The following PACRG variants were observed in gnomAD, a reference collection of about 807,000 sequenced individuals.
The protein encoded by PACRG is parkin coregulated.
A neutral mutation model predicts 29.7 loss-of-function variants in PACRG; 29 were observed. The ratio of observed to expected loss-of-function variants is 0.98; its 90% CI spans 0.73 to 1.33. The LOEUF (loss-of-function observed/expected upper bound fraction) is 1.33. Among genes scored for constraint, PACRG ranks in the 40% most tolerant of loss-of-function variants. PACRG has a pLI of 0.00. For synonymous variants in PACRG, 116 were observed against 118.7 expected, an observed-to-expected ratio of 0.98 and a Z score of 0.15; for missense variants, 279 against 316.2, an observed-to-expected ratio of 0.88 and a Z score of 0.89.
intron 2 of PACRG, among the ~76,000 whole-genome samples, chr6:162,958,884 T>TATATAGAG (rs1562779944): frequency 3.3e-4 from 7 of 21,162 alleles, no homozygotes; most frequent in Non-Finnish European, 4.7e-4. Context: ...TATATATATA[T>TATATAGAG]AGAGAGAGAG....
chr6:163,309,751 G>A (rs1785337136), intron 4 of PACRG, among the ~76,000 whole-genome samples: 1 of 152,160 alleles, frequency 6.6e-6, no homozygotes, highest in African/African-American at 2.4e-5. Flanking sequence ...TGTTGGGGCC[G>A]GGACTCTCCT....
intron 1 of PACRG, among the ~76,000 whole-genome samples, chr6:162,752,193 A>G (rs1295521907): frequency 6.6e-6 from 1 of 152,198 alleles, no homozygotes; most frequent in Non-Finnish European, 1.5e-5. Context: ...TCTATTTTAC[A>G]CACATACACA....
intron 1 of PACRG, among the ~76,000 whole-genome samples, chr6:162,764,691 A>G (rs924245599): frequency 3.3e-5 from 5 of 151,988 alleles, no homozygotes; most frequent in Admixed American, 6.6e-5. Flanking sequence ...TTATATTTAA[A>G]TATATGTTTA....
At chr6:163,079,418 AAAAG>A (rs201087139) in intron 3 of PACRG, among the ~76,000 whole-genome samples, 1,904 of 151,752 alleles carry the variant, frequency 0.013, 49 homozygotes, top group African/African-American at 0.044. Flanking sequence ...AAAAAAAAAA[AAAAG>A]AAAGAAAGAA....
chr6:163,003,373 T>C (rs1351488952), intron 2 of PACRG, among the ~76,000 whole-genome samples: 1 of 152,186 alleles, frequency 6.6e-6, no homozygotes, highest in East Asian at 1.9e-4. Context: ...CCTGTAAGCA[T>C]TTGAATGTTA....
chr6:163,101,315 A>G (rs1241821569), intron 4 of PACRG: 4 of 982,872 alleles, frequency 4.1e-6, no homozygotes, highest in Non-Finnish European at 4.8e-6. Context: ...CCACTATTTT[A>G]AGCTTTGTGT....
Position 163,281,870 on chromosome 6 carries a change from T to C in PACRG, c.614-32957T>C, listed in dbSNP as rs569940845. ...CAAATTCAATTAACTTTAACCGATA[T>C]CTTGACAGCATTCTTTCCTTTCTTA... On this transcript the variant is annotated intron_variant, in intron 4 of 4. Coordinates refer to ENST00000366888, the MANE Select transcript of PACRG (RefSeq NM_001080379.2). 4.0e-4 allele frequency among the ~76,000 whole-genome samples: 61 copies of C among 152,266 alleles called. 2 individuals carry two copies. In the South Asian group the frequency reaches 0.012, roughly 30 times the overall value.
At chr6:162,849,751 G>A (rs537169603) in intron 2 of PACRG, among the ~76,000 whole-genome samples, 4 of 152,162 alleles carry the variant, frequency 2.6e-5, no homozygotes, top group South Asian at 4.1e-4. Flanking sequence ...GTAAGTTTTC[G>A]ATTTTTGAAA....
At chr6:162,963,976 A>G (rs1317404271) in intron 2 of PACRG, among the ~76,000 whole-genome samples, 3 of 152,210 alleles carry the variant, frequency 2.0e-5, no homozygotes, top group Non-Finnish European at 4.4e-5. Flanking sequence ...TTGTCAGCCC[A>G]TAAAGACTAG....
At chr6:163,306,050 T>C (rs1477423121) in intron 4 of PACRG, among the ~76,000 whole-genome samples, 1 of 152,228 alleles carries the variant, frequency 6.6e-6, no homozygotes, top group African/African-American at 2.4e-5. Context: ...CCAGTATCAC[T>C]TACTGCTTAC....
chr6:162,999,214 T>A (rs1300744695), intron 2 of PACRG, among the ~76,000 whole-genome samples: 1 of 152,260 alleles, frequency 6.6e-6, no homozygotes, highest in Non-Finnish European at 1.5e-5. Flanking sequence ...AAGAGATTGC[T>A]GGAAGCCCCA....
At chr6:163,086,304 T>A (rs1813552419) in intron 3 of PACRG, among the ~76,000 whole-genome samples, 1 of 152,216 alleles carries the variant, frequency 6.6e-6, no homozygotes, top group Non-Finnish European at 1.5e-5. Context: ...GCCTTCTTCC[T>A]CCTCACCTTC....
chr6:162,740,108 G>A lies in PACRG; in HGVS notation c.156+11717G>A, dbSNP rs1780462841. On this transcript the variant is annotated intron_variant, in intron 1 of 4. Coordinates refer to ENST00000366888, the MANE Select transcript of PACRG (RefSeq NM_001080379.2). ...AGTCTCTTTGTCTGTCTCTGAACCA[G>A]TATCACACTGCCTTTATTGTTGTAG... 2.0e-5 allele frequency among the ~76,000 whole-genome samples: 3 copies of A among 152,068 alleles called. No homozygotes were observed. The South Asian group carries it at 6.2e-4, about 32-fold the overall frequency.
Position 162,844,398 on chromosome 6 carries a change from G to A in PACRG, c.291+30117G>A, listed in dbSNP as rs149241788. 6.9e-3 allele frequency among the ~76,000 whole-genome samples: 1,049 copies of A among 152,328 alleles called. 11 individuals are homozygous for A. The highest frequency in any genetic ancestry group is 0.023 in the African/African-American group (964 of 41,570). ...GTCACCCCTCTCTGACTCCGAAGGGGAACTCCCTGACCCCTTGCGCTTCCC... is the reference window on the plus strand; with the variant it reads ...GTCACCCCTCTCTGACTCCGAAGGGAAACTCCCTGACCCCTTGCGCTTCCC... On this transcript the variant is annotated intron_variant, in intron 2 of 4. Transcript: ENST00000366888.
intron 2 of PACRG, among the ~76,000 whole-genome samples, chr6:163,021,200 T>C (rs1201593664): frequency 2.0e-5 from 3 of 152,194 alleles, no homozygotes; most frequent in African/African-American, 7.2e-5. Flanking sequence ...CAGTAGCCAC[T>C]GCAAAGCTCA....
At chr6:162,730,281 A>G (rs1779661091) in intron 1 of PACRG, among the ~76,000 whole-genome samples, 1 of 152,170 alleles carries the variant, frequency 6.6e-6, no homozygotes, top group Non-Finnish European at 1.5e-5. Flanking sequence ...ACATTTCACC[A>G]TTTTTATCTT....
Position 162,876,054 on chromosome 6 carries a change from C to T in PACRG, c.291+61773C>T, listed in dbSNP as rs572089513. Among the ~76,000 whole-genome samples, 4 of 152,316 alleles carry T rather than the reference C, an allele frequency of 2.6e-5. No homozygotes were observed. The South Asian group carries it at 8.3e-4, about 32-fold the overall frequency. On this transcript the variant is annotated intron_variant, in intron 2 of 4. Coordinates refer to ENST00000366888, the MANE Select transcript of PACRG (RefSeq NM_001080379.2). ...TCCCAGCTCTGTTCCTTCACCACCCCCTCCTCCATGCTAAAACCATGCATG... is the reference window on the plus strand; with the variant it reads ...TCCCAGCTCTGTTCCTTCACCACCCTCTCCTCCATGCTAAAACCATGCATG...
In PACRG at chr6:163,038,900, T is replaced by C. The variant is rs117000316; in HGVS notation, c.292-23250T>C. ...CTTTAGGTTTACAATTCCATAAAATTGTGTGTTTCAGGTGCCTGTTATACT... is the reference window on the plus strand; with the variant it reads ...CTTTAGGTTTACAATTCCATAAAATCGTGTGTTTCAGGTGCCTGTTATACT... On this transcript the variant is annotated intron_variant, in intron 2 of 4. Transcript: ENST00000366888. Among the ~76,000 whole-genome samples the C allele has an allele frequency of 7.7e-3, 1,162 of 151,882 alleles. 11 individuals carry two copies. Among genetic ancestry groups the C allele is most frequent in the South Asian group, 0.016 (76 of 4,816 alleles).
intron 3 of PACRG, among the ~76,000 whole-genome samples, chr6:163,087,802 G>A (rs1177721234): frequency 2.0e-5 from 3 of 151,170 alleles, no homozygotes; most frequent in Non-Finnish European, 4.4e-5. Context: ...AGGAGGTGAA[G>A]ATGGAGAGTG....
Sources: allele counts gnomAD v4.1 joint callset (sites outside exome capture counted in the v4.1 genomes callset), GRCh38; gene constraint gnomAD v4.1.1; transcripts MANE v1.5; gene names NCBI Gene and HGNC (gene_info 2026-07-23, HGNC 2026-07-21).